The following C3orf49 variants were observed in gnomAD, a reference collection of about 807,000 sequenced individuals.
C3orf49 encodes the protein putative uncharacterized protein C3orf49.
A neutral mutation model predicts 13.3 loss-of-function variants in C3orf49; 27 were observed. The ratio of observed to expected loss-of-function variants is 2.02; its 90% CI spans 1.49 to 2.79. The LOEUF (loss-of-function observed/expected upper bound fraction) is 2.79, where lower values mean the gene tolerates loss of function less well. Among genes scored for constraint, C3orf49 ranks in the 30% most tolerant of loss-of-function variants. The probability of loss-of-function intolerance (pLI) is 0.00; values close to 1 mark genes in which losing one functional copy is unlikely to be tolerated. For missense variants in C3orf49, 242 were observed against 134.2 expected, an observed-to-expected ratio of 1.80 and a Z score of -3.97; for synonymous variants, 87 against 47.6, an observed-to-expected ratio of 1.83 and a Z score of -3.40.
At chr3:63,816,521 G>C (rs1701326127), upstream of C3orf49, among the ~76,000 whole-genome samples, 1 of 151,674 alleles carries the variant, frequency 6.6e-6, no homozygotes, top group Admixed American at 6.5e-5. Flanking sequence ...AGAAGGTAGA[G>C]GTTGCAGTGA....
chr3:63,812,122 G>C, the C3orf49 span, among the ~76,000 whole-genome samples: 1 of 151,916 alleles, frequency 6.6e-6, no homozygotes, highest in Non-Finnish European at 1.5e-5. Flanking sequence ...TTTTTATGAG[G>C]ATCCTGAAAT....
upstream of C3orf49, among the ~76,000 whole-genome samples, chr3:63,815,308 G>C (rs927300528): frequency 6.6e-6 from 1 of 152,072 alleles, no homozygotes; most frequent in African/African-American, 2.4e-5. Flanking sequence ...ATTCATTTCA[G>C]TATTTAACTT....
the C3orf49 span, among the ~76,000 whole-genome samples, chr3:63,791,758 T>C: frequency 6.6e-6 from 1 of 152,222 alleles, no homozygotes; most frequent in African/African-American, 2.4e-5. Flanking sequence ...TCAAGAATAC[T>C]TTAAAACAAT....
intron 2 of C3orf49, among the ~76,000 whole-genome samples, chr3:63,825,666 C>G (rs2107100455): frequency 6.6e-6 from 1 of 152,344 alleles, no homozygotes; most frequent in East Asian, 1.9e-4. Context: ...GGCCCCAAAT[C>G]AGTTGCTCTT....
At chr3:63,839,522 C>T (rs1575804366) in intron 5 of C3orf49, 1 of 774,888 alleles carries the variant, frequency 1.3e-6, no homozygotes, top group South Asian at 1.5e-5. Context: ...AGAAAATCTA[C>T]TCTTGGTTAA....
At chr3:63,782,442 G>T in the C3orf49 span, 2 of 152,158 alleles carry the variant, frequency 1.3e-5, no homozygotes, top group African/African-American at 2.4e-5. Flanking sequence ...CTGTAGATAA[G>T]AATGGGGTCC....
the C3orf49 span, among the ~76,000 whole-genome samples, chr3:63,812,992 G>A: frequency 1.3e-5 from 2 of 152,104 alleles, no homozygotes; most frequent in South Asian, 2.1e-4. Flanking sequence ...ATGTAGATAG[G>A]TGTTTTTAAA....
the C3orf49 span, among the ~76,000 whole-genome samples, chr3:63,811,479 A>G: frequency 6.6e-6 from 1 of 151,628 alleles, no homozygotes; most frequent in African/African-American, 2.4e-5. Flanking sequence ...AATGGTGTGA[A>G]CTCGGGAGGC....
chr3:63,837,952 C>A, intron 5 of C3orf49: 1 of 1,597,122 alleles, frequency 6.3e-7, no homozygotes, highest in Non-Finnish European at 8.5e-7. Context: ...TGTATTTGCA[C>A]ATTAAATCCC....
At chr3:63,809,156 T>C in the C3orf49 span, among the ~76,000 whole-genome samples, 1 of 152,170 alleles carries the variant, frequency 6.6e-6, no homozygotes. Context: ...GTTTAAGCAA[T>C]AGTCTGAAAA....
At chr3:63,842,884 C>A (rs562779307) in intron 5 of C3orf49, among the ~76,000 whole-genome samples, 138 of 152,138 alleles carry the variant, frequency 9.1e-4, no homozygotes, top group African/African-American at 3.2e-3. Context: ...TGGGTTCAAG[C>A]CAGCCTCCTA....
upstream of C3orf49, among the ~76,000 whole-genome samples, chr3:63,814,877 T>TA (rs1212525399): frequency 4.6e-5 from 7 of 152,032 alleles, no homozygotes; most frequent in East Asian, 1.9e-4. Flanking sequence ...GGTAATTTAC[T>TA]AAAAAAAAGG....
upstream of C3orf49, among the ~76,000 whole-genome samples, chr3:63,814,883 A>C (rs545897753): frequency 2.0e-5 from 3 of 152,328 alleles, no homozygotes; most frequent in African/African-American, 7.2e-5. Flanking sequence ...TTACTAAAAA[A>C]AAGGTTTAAT....
chr3:63,799,599 C>T, the C3orf49 span, among the ~76,000 whole-genome samples: 9 of 152,038 alleles, frequency 5.9e-5, no homozygotes, highest in Admixed American at 3.3e-4. Context: ...AAAATTAAGA[C>T]ATTATTATAA....
intron 5 of C3orf49, chr3:63,838,599 G>C (rs1701685548): frequency 1.7e-6 from 2 of 1,154,894 alleles, no homozygotes; most frequent in South Asian, 3.2e-5. Context: ...ATTATAGCAA[G>C]TTCTGAGAGA....
Position 63,827,671 on chromosome 3 carries a change from CAGG to C in C3orf49, c.519_521del (p.Arg174del), listed in dbSNP as rs1348057810. The C allele has an allele frequency of 2.8e-6, 2 of 703,136 alleles. No individual in the cohort carries two copies. The highest frequency in any genetic ancestry group is 3.0e-5 in the South Asian group (2 of 67,596). The allele number at this position is 703,136 out of a possible 1,614,324, so 43.6% of individuals were successfully genotyped here. On this transcript the variant is annotated inframe_deletion, in exon 3 of 7. Transcript: ENST00000295896. ...CCCAGGGAAACACACTCCTTCGGGC[CAGG>C]AGAACCACCAAGCGGTTATCTGTGA...
At chr3:63,829,767 C>G (rs1157942162) in intron 3 of C3orf49, among the ~76,000 whole-genome samples, 2 of 151,884 alleles carry the variant, frequency 1.3e-5, no homozygotes, top group East Asian at 1.9e-4. Context: ...TTGATACCAG[C>G]CTGGGCAACA....
chr3:63,846,026 A>G (rs1423933435), intron 6 of C3orf49: 1 of 208,262 alleles, frequency 4.8e-6, no homozygotes, highest in Non-Finnish European at 1.0e-5. Context: ...TCAAAGAGAC[A>G]GTCCTCTAAA....
Position 63,827,663 on chromosome 3 carries a change from C to T in C3orf49, c.508C>T (p.Leu170Phe). 1 of 703,202 alleles carries T rather than the reference C, an allele frequency of 1.4e-6. No homozygotes were observed. The highest frequency in any genetic ancestry group is 2.6e-6 in the Non-Finnish European group (1 of 385,048). The allele number at this position is 703,202 out of a possible 1,614,324, so 43.6% of individuals were successfully genotyped here. A position where few individuals can be genotyped will look rare whatever the true frequency, so the allele number is the denominator to read the frequency against. ...GGAGATAACCCAGGGAAACACACTC[C>T]TTCGGGCCAGGAGAACCACCAAGCG... Reference protein sequence around the residue: ...TEEITQGNTLLRARRTTKRLS... With the variant: ...TEEITQGNTLFRARRTTKRLS... The change falls in exon 3 of 7, where the codon CTT becomes TTT. Residue 170 changes from leucine (L) to phenylalanine (F), a missense_variant. Coordinates refer to ENST00000295896, the MANE Select transcript of C3orf49 (RefSeq NM_001355236.2).
Sources: allele counts gnomAD v4.1 joint callset (sites outside exome capture counted in the v4.1 genomes callset), GRCh38; gene constraint gnomAD v4.1.1; transcripts MANE v1.5; gene names NCBI Gene and HGNC (gene_info 2026-07-23, HGNC 2026-07-21).